Variants in CACNG3 observed in about 807,000 individuals in gnomAD.
CACNG3 encodes voltage-dependent calcium channel gamma-3 subunit.
A neutral mutation model predicts 28.5 loss-of-function variants in CACNG3; 3 were observed. The observed-to-expected ratio is 0.11, with a 90% CI of 0.05 to 0.27. The LOEUF is 0.27. CACNG3 is among the 10% of genes least tolerant of loss of function. The pLI is 1.00. For missense variants in CACNG3, 236 were observed against 414.4 expected (o/e 0.57, Z 3.74); for synonymous variants, 174 against 162.2 (o/e 1.07, Z -0.55).
At chr16:24,274,870 T>C (rs1898733862) in intron 1 of CACNG3, among the ~76,000 whole-genome samples, 1 of 152,192 alleles carries the variant, frequency 6.6e-6, no homozygotes, top group Non-Finnish European at 1.5e-5. Flanking sequence ...AGAGAAGTAA[T>C]TGTCCCAAAT....
chr16:24,340,484 C>T (rs1899769824), intron 1 of CACNG3, among the ~76,000 whole-genome samples: 5 of 152,214 alleles, frequency 3.3e-5, no homozygotes, highest in South Asian at 2.1e-4. Flanking sequence ...GATCATTATT[C>T]GTTATATACG....
chr16:24,256,626 A>T lies in CACNG3; in HGVS notation c.-129A>T. On this transcript the variant is annotated 5_prime_UTR_variant, in exon 1 of 4. The change abolishes an upstream ATG in the 5' untranslated region. Transcript: ENST00000005284. This position sits in a 1 kb window ranked among gnomAD's most constrained non-coding sequence, Gnocchi z 4.6. ...CCCAGCTTTCCCAAAGTCCCTGTGG[A>T]TGCTGACAAAAGGAGACCTGAATTT... The T allele has an allele frequency of 1.4e-6, 1 of 689,736 alleles. No homozygotes were observed. The highest frequency in any genetic ancestry group is 4.1e-4 in the Middle Eastern group (1 of 2,444). 42.7% of individuals were successfully genotyped at this position (689,736 alleles called of 1,614,324 possible). A position where few individuals can be genotyped will look rare whatever the true frequency, so the allele number is the denominator to read the frequency against.
chr16:24,355,580 C>G (rs1900019796), intron 3 of CACNG3, among the ~76,000 whole-genome samples: 1 of 152,148 alleles, frequency 6.6e-6, no homozygotes, highest in African/African-American at 2.4e-5. Context: ...GAAGTCTCAT[C>G]TCTAAAAAAT....
chr16:24,340,506 A>G (rs1463412155), intron 1 of CACNG3, among the ~76,000 whole-genome samples: 3 of 152,234 alleles, frequency 2.0e-5, no homozygotes, highest in Non-Finnish European at 2.9e-5. Context: ...GTATCAAAGT[A>G]TCACTCTGTA....
chr16:24,359,607 A>T (rs1900080142), intron 3 of CACNG3, among the ~76,000 whole-genome samples: 1 of 152,124 alleles, frequency 6.6e-6, no homozygotes, highest in Non-Finnish European at 1.5e-5. Context: ...CATGTCTGTA[A>T]TCCCAACATT....
chr16:24,342,454 C>T (rs1435587753), intron 1 of CACNG3, among the ~76,000 whole-genome samples: 1 of 152,196 alleles, frequency 6.6e-6, no homozygotes, highest in Non-Finnish European at 1.5e-5. Context: ...GCCTAGATTA[C>T]ATCTTCTATC....
chr16:24,310,612 C>T lies in CACNG3; in HGVS notation c.212-36122C>T, dbSNP rs1219818318. On this transcript the variant is annotated intron_variant, in intron 1 of 3. Coordinates refer to ENST00000005284, the MANE Select transcript of CACNG3 (RefSeq NM_006539.4). ...AAAATAGTGTTTATGACATGCCTGG[C>T]ACTGTTCTAATCATTTAACATATAT... is the stretch of plus-strand genomic sequence containing the variant. 5.9e-5 allele frequency among the ~76,000 whole-genome samples: 9 copies of T among 152,176 alleles called. No homozygotes were observed. The East Asian group carries it at 1.7e-3, about 29-fold the overall frequency.
intron 1 of CACNG3, among the ~76,000 whole-genome samples, chr16:24,294,854 T>C (rs1287107806): frequency 1.3e-5 from 2 of 152,208 alleles, no homozygotes; most frequent in Non-Finnish European, 2.9e-5. Flanking sequence ...TTCATAGAGC[T>C]ACTATGAGAA....
At chr16:24,259,628 C>A (rs189730045) in intron 1 of CACNG3, among the ~76,000 whole-genome samples, 1 of 151,956 alleles carries the variant, frequency 6.6e-6, no homozygotes, top group Non-Finnish European at 1.5e-5. Context: ...AAGAGAATGC[C>A]AAGGAGAACA....
At chr16:24,303,334 C>A (rs1057457347) in intron 1 of CACNG3, among the ~76,000 whole-genome samples, 3 of 146,566 alleles carry the variant, frequency 2.0e-5, no homozygotes, top group African/African-American at 7.8e-5. Flanking sequence ...TTACTTAGAA[C>A]TCTATGTGTG....
At chr16:24,350,338 G>A (rs1311597601) in intron 2 of CACNG3, among the ~76,000 whole-genome samples, 1 of 146,720 alleles carries the variant, frequency 6.8e-6, no homozygotes, top group Admixed American at 6.7e-5. Flanking sequence ...TTTTTGAGAT[G>A]GGGTCTTACT....
At chr16:24,346,602 G>T in intron 1 of CACNG3, 132 bp from the exon 2 acceptor site, 1 of 638,868 alleles carries the variant, frequency 1.6e-6, no homozygotes, top group Non-Finnish European at 2.8e-6. Flanking sequence ...GGTGCTCTTG[G>T]GCCTACCAGC....
chr16:24,344,513 G>T (rs533491341), intron 1 of CACNG3, among the ~76,000 whole-genome samples: 1 of 152,168 alleles, frequency 6.6e-6, no homozygotes, highest in Non-Finnish European at 1.5e-5. Flanking sequence ...ACTGGAAGGG[G>T]ATGGGGCTTA....
chr16:24,287,910 A>G (rs1898915738), intron 1 of CACNG3, among the ~76,000 whole-genome samples: 1 of 152,206 alleles, frequency 6.6e-6, no homozygotes, highest in South Asian at 2.1e-4. Flanking sequence ...GGAGTTTGAG[A>G]ACAGCCTGAG....
In CACNG3 at chr16:24,327,126, CAAA is replaced by C. The variant is rs57918697; in HGVS notation, c.212-19583_212-19581del. On this transcript the variant is annotated intron_variant, in intron 1 of 3. Coordinates refer to ENST00000005284, the MANE Select transcript of CACNG3 (RefSeq NM_006539.4). ...AGTGGCCAAGGCAGGGGCTCCAAAC[CAAA>C]AAAAAAAAAAAAAAAAAAAAAAAAG... Among the ~76,000 whole-genome samples, 285 of 35,792 alleles carry C rather than the reference CAAA, an allele frequency of 8.0e-3. 2 individuals are homozygous for C. In the South Asian group the frequency reaches 0.087, roughly 11 times the overall value. The allele number at this position is 35,792 out of a possible 152,430, so 23.5% of individuals were successfully genotyped here. A position where few individuals can be genotyped will look rare whatever the true frequency, so the allele number is the denominator to read the frequency against.
intron 1 of CACNG3, among the ~76,000 whole-genome samples, chr16:24,279,886 T>G (rs1445101899): frequency 6.6e-6 from 1 of 152,184 alleles, no homozygotes; most frequent in East Asian, 1.9e-4. Flanking sequence ...GTGTTGAGTT[T>G]GCAGCTTCCT....
At chr16:24,260,018 T>C (rs995601142) in intron 1 of CACNG3, among the ~76,000 whole-genome samples, 1 of 152,216 alleles carries the variant, frequency 6.6e-6, no homozygotes, top group Non-Finnish European at 1.5e-5. Flanking sequence ...TGTATTGGTA[T>C]TTGCACTGGT....
At chr16:24,354,758 A>ACTC in intron 2 of CACNG3, 75 bp from the exon 3 acceptor site, 1 of 1,460,166 alleles carries the variant, frequency 6.8e-7, no homozygotes, top group Non-Finnish European at 9.4e-7. Context: ...CCTCTCAGGC[A>ACTC]CTCCTGCGCT....
Position 24,358,151 on chromosome 16 carries a change from C to A in CACNG3, c.436+3178C>A, listed in dbSNP as rs569007384. Among the ~76,000 whole-genome samples, 5 of 152,280 alleles carry A rather than the reference C, an allele frequency of 3.3e-5. No homozygotes were observed. In the East Asian group the frequency reaches 7.7e-4, roughly 23 times the overall value. ...ATCATTTGAGGCAAGCAATTAACAACCCTTTAAATCGGTAAATAAGAGTGC... is the reference window on the plus strand; with the variant it reads ...ATCATTTGAGGCAAGCAATTAACAAACCTTTAAATCGGTAAATAAGAGTGC... On this transcript the variant is annotated intron_variant, in intron 3 of 3. Transcript: ENST00000005284.
Sources: allele counts gnomAD v4.1 joint callset (sites outside exome capture counted in the v4.1 genomes callset), GRCh38; gene constraint gnomAD v4.1.1; non-coding constraint Gnocchi (gnomAD v3.1); transcripts MANE v1.5; gene names NCBI Gene and HGNC (gene_info 2026-07-23, HGNC 2026-07-21).